PRSS23: variants seen among roughly 807,000 people sequenced by gnomAD.
PRSS23 encodes protease, serine 23.
PRSS23 carries 25 observed loss-of-function variants against 34.7 expected under a neutral mutation model. The observed-to-expected ratio is 0.72, with a 90% CI of 0.53 to 1.01. The LOEUF (loss-of-function observed/expected upper bound fraction) is 1.01. Among genes scored for constraint, PRSS23 ranks in the 50% least tolerant of loss-of-function variants. The pLI is 0.00. For missense variants in PRSS23, 445 were observed against 475.6 expected (o/e 0.94, Z 0.60); for synonymous variants, 176 against 186.6 (o/e 0.94, Z 0.46).
intron 2 of PRSS23, among the ~76,000 whole-genome samples, chr11:86,926,554 A>G (rs1228034952): frequency 2.0e-5 from 3 of 152,222 alleles, no homozygotes; most frequent in Non-Finnish European, 4.4e-5. Flanking sequence ...GCTGAGCTTC[A>G]TAAGAGAGAC....
At chr11:86,845,396 G>C (rs953784068) in intron 2 of PRSS23, among the ~76,000 whole-genome samples, 1 of 152,184 alleles carries the variant, frequency 6.6e-6, no homozygotes, top group Non-Finnish European at 1.5e-5. Flanking sequence ...AAAATATTAT[G>C]AATGTATCTT....
downstream of PRSS23, among the ~76,000 whole-genome samples, chr11:86,814,338 T>C (rs1484618094): frequency 6.6e-6 from 1 of 151,174 alleles, no homozygotes; most frequent in Non-Finnish European, 1.5e-5. Context: ...ATTTAGATGT[T>C]GGGTTCAGTA....
At chr11:86,865,270 G>C (rs949522833) in intron 2 of PRSS23, among the ~76,000 whole-genome samples, 1 of 152,214 alleles carries the variant, frequency 6.6e-6, no homozygotes, top group Non-Finnish European at 1.5e-5. Flanking sequence ...ATGTGGTCTT[G>C]AGCAAGTTAC....
intron 2 of PRSS23, among the ~76,000 whole-genome samples, chr11:86,865,039 A>T (rs1379288154): frequency 6.6e-6 from 1 of 152,230 alleles, no homozygotes; most frequent in African/African-American, 2.4e-5. Context: ...TTTTCCAGGT[A>T]AGGTAAAACA....
chr11:86,928,710 G>C (rs58069981), intron 2 of PRSS23, among the ~76,000 whole-genome samples: 29,073 of 58,714 alleles, frequency 0.5, 9,716 homozygotes, highest in Non-Finnish European at 0.6. Context: ...AAAAAAATTG[G>C]CAAGACATAT....
chr11:86,879,476 CCGCCCCG>C (rs1214495243), intron 2 of PRSS23, among the ~76,000 whole-genome samples: 3 of 127,726 alleles, frequency 2.3e-5, no homozygotes, highest in Admixed American at 1.6e-4. Flanking sequence ...GCCAGGCCAG[CCGCCCCG>C]TCCGGGAGGG....
chr11:86,809,332 T>G lies in PRSS23; in HGVS notation c.*537T>G, dbSNP rs1948150720. ...CATTTGTTAGGCAGAATATTTTGGA[T>G]TTGGAGGCATTTGCATGGTAGTCTT... is the stretch of plus-strand genomic sequence containing the variant. On this transcript the variant is annotated 3_prime_UTR_variant, in exon 2 of 2. Transcript: ENST00000280258. The G allele has an allele frequency of 6.0e-6, 1 of 167,782 alleles. No individual in the cohort carries two copies. The highest frequency in any genetic ancestry group is 6.5e-5 in the Admixed American group (1 of 15,352). 10.4% of individuals were successfully genotyped at this position (167,782 alleles called of 1,614,324 possible).
intron 2 of PRSS23, among the ~76,000 whole-genome samples, chr11:86,853,647 T>G (rs1948547712): frequency 6.6e-6 from 1 of 152,216 alleles, no homozygotes; most frequent in Non-Finnish European, 1.5e-5. Context: ...ACGCTTGGGT[T>G]GCTTCCACAT....
intron 2 of PRSS23, among the ~76,000 whole-genome samples, chr11:86,847,867 C>T (rs895244678): frequency 1.1e-4 from 17 of 152,126 alleles, no homozygotes; most frequent in Non-Finnish European, 2.4e-4. Flanking sequence ...CCCTTCTTGA[C>T]AATACTGCCC....
intron 2 of PRSS23, chr11:86,857,346 A>G (rs1590897061): frequency 1.4e-5 from 4 of 285,010 alleles, no homozygotes; most frequent in Non-Finnish European, 2.5e-5. Context: ...AGACAATTTT[A>G]TAGTAAGACA....
chr11:86,891,788 G>A (rs1948842947), intron 2 of PRSS23, among the ~76,000 whole-genome samples: 1 of 152,066 alleles, frequency 6.6e-6, no homozygotes, highest in South Asian at 2.1e-4. Flanking sequence ...TCTTGTGCTA[G>A]TGAGTGAGTT....
rs182838198 is a variant in PRSS23, at chr11:86,852,479, C to T, written c.206+28886C>T. Among the ~76,000 whole-genome samples the T allele has an allele frequency of 4.5e-3, 681 of 152,180 alleles. 2 individuals carry two copies. The highest frequency in any genetic ancestry group is 6.9e-3 in the Non-Finnish European group (472 of 67,998). The stretch of plus-strand genomic sequence containing the variant: ...CAGGAGAAAGCTTGTGTATATTATT[C>T]GCTTCTTTCTTTTCTTCTTAAAGAT... On this transcript the variant is annotated intron_variant, in intron 2 of 2. Transcript: ENST00000533902.
chr11:86,945,364 C>CAAAA (rs58204343), intron 2 of PRSS23, among the ~76,000 whole-genome samples: 33 of 133,238 alleles, frequency 2.5e-4, no homozygotes, highest in African/African-American at 8.4e-4. Context: ...CTGAAAATGC[C>CAAAA]AAAAAAAAAA....
chr11:86,942,223 C>G (rs747627287), intron 2 of PRSS23, among the ~76,000 whole-genome samples: 7 of 152,102 alleles, frequency 4.6e-5, no homozygotes, highest in Admixed American at 2.6e-4. Flanking sequence ...GGATGTCTTC[C>G]CAGGAAAGAT....
chr11:86,873,237 C>T (rs1399546240), intron 2 of PRSS23, among the ~76,000 whole-genome samples: 3 of 100,984 alleles, frequency 3.0e-5, no homozygotes, highest in South Asian at 3.1e-4. Context: ...TATATATATA[C>T]ACACACACAC....
chr11:86,906,674 C>A (rs1344740695), intron 2 of PRSS23, among the ~76,000 whole-genome samples: 2 of 152,190 alleles, frequency 1.3e-5, no homozygotes, highest in African/African-American at 4.8e-5. Flanking sequence ...CAAAATAACA[C>A]TGCTGGTTAG....
intron 2 of PRSS23, among the ~76,000 whole-genome samples, chr11:86,939,403 A>ATATAT (rs1555083964): frequency 5.0e-5 from 4 of 80,546 alleles, no homozygotes; most frequent in African/African-American, 7.3e-5. Context: ...TAAAAAAAAA[A>ATATAT]ATATATATAT....
intron 2 of PRSS23, among the ~76,000 whole-genome samples, chr11:86,825,940 C>T (rs1392771312): frequency 1.3e-5 from 2 of 152,150 alleles, no homozygotes; most frequent in African/African-American, 2.4e-5. Flanking sequence ...GTTCTTTTGG[C>T]TTAGGATTGA....
intron 2 of PRSS23, among the ~76,000 whole-genome samples, chr11:86,904,865 T>C (rs369365378): frequency 4.6e-5 from 7 of 150,990 alleles, no homozygotes; most frequent in African/African-American, 1.5e-4. Context: ...CTGAGCAACA[T>C]ATTGAGATCC....
Sources: allele counts gnomAD v4.1 joint callset (sites outside exome capture counted in the v4.1 genomes callset), GRCh38; gene constraint gnomAD v4.1.1; transcripts MANE v1.5; gene names NCBI Gene and HGNC (gene_info 2026-07-23, HGNC 2026-07-21).